CALN1: variants seen among roughly 807,000 people sequenced by gnomAD.
CALN1 encodes the protein calcium-binding protein 8.
A neutral mutation model predicts 30.6 loss-of-function variants in CALN1; 17 were observed. That is an observed-to-expected ratio of 0.56 (90% CI 0.38 to 0.83). The LOEUF is 0.83. CALN1 is among the 40% of genes least tolerant of loss of function. The pLI, the probability that CALN1 is intolerant of heterozygous loss-of-function variation, is 0.00. For synonymous variants in CALN1, 156 were observed against 131.4 expected, an observed-to-expected ratio of 1.19 and a Z score of -1.28; for missense variants, 291 against 354.9, an observed-to-expected ratio of 0.82 and a Z score of 1.45.
At chr7:71,992,836 G>A (rs1280265529) in intron 5 of CALN1, among the ~76,000 whole-genome samples, 1 of 152,160 alleles carries the variant, frequency 6.6e-6, no homozygotes, top group Non-Finnish European at 1.5e-5. Context: ...AGCACCAAGG[G>A]TGGATCATAG....
chr7:72,208,357 T>C (rs959166587), intron 3 of CALN1, among the ~76,000 whole-genome samples: 1 of 152,238 alleles, frequency 6.6e-6, no homozygotes, highest in Non-Finnish European at 1.5e-5. Context: ...TAAGTTTGGT[T>C]TCTAATACAT....
chr7:72,351,402 T>C lies in CALN1; in HGVS notation c.119+51849A>G, dbSNP rs576202963. 5.3e-5 allele frequency among the ~76,000 whole-genome samples: 8 copies of C among 152,240 alleles called. No individual in the cohort carries two copies. The South Asian group carries it at 1.7e-3, about 32-fold the overall frequency. ...ACAGAAACTTAGGAATGATAAGTCCTGGGAATGGAAAATATGTGAATAAAA... is the reference window on the plus strand; with the variant it reads ...ACAGAAACTTAGGAATGATAAGTCCCGGGAATGGAAAATATGTGAATAAAA... On this transcript the variant is annotated intron_variant, in intron 2 of 6. Coordinates refer to ENST00000395275, the MANE Select transcript of CALN1 (RefSeq NM_031468.4).
intron 5 of CALN1, among the ~76,000 whole-genome samples, chr7:72,007,827 A>G (rs1241030459): frequency 2.0e-5 from 3 of 152,194 alleles, no homozygotes; most frequent in Non-Finnish European, 4.4e-5. Flanking sequence ...TGGGCCTCCC[A>G]AAGTGCTGGG....
chr7:71,883,634 C>T (rs1207522659), intron 5 of CALN1, among the ~76,000 whole-genome samples: 1 of 152,136 alleles, frequency 6.6e-6, no homozygotes. Context: ...TCCTGGAATG[C>T]CTCTAAGACT....
At chr7:72,182,027 G>A (rs1438825403) in intron 3 of CALN1, among the ~76,000 whole-genome samples, 7 of 152,182 alleles carry the variant, frequency 4.6e-5, no homozygotes, top group Admixed American at 4.6e-4. Context: ...GCACTTCAGG[G>A]TTAGGTGAGA....
At chr7:72,008,131 CATATT>C (rs1376105053) in intron 5 of CALN1, among the ~76,000 whole-genome samples, 2 of 151,996 alleles carry the variant, frequency 1.3e-5, no homozygotes, top group Non-Finnish European at 2.9e-5. Flanking sequence ...ATTCAATTAC[CATATT>C]ATGTTTGCAG....
At chr7:72,264,235 A>G (rs1345222332) in intron 3 of CALN1, among the ~76,000 whole-genome samples, 2 of 152,052 alleles carry the variant, frequency 1.3e-5, no homozygotes, top group Admixed American at 6.6e-5. Flanking sequence ...GAAACAATCA[A>G]TCTGCTTTTT....
At chr7:72,073,922 C>T (rs1182702329) in intron 4 of CALN1, among the ~76,000 whole-genome samples, 1 of 152,084 alleles carries the variant, frequency 6.6e-6, no homozygotes, top group African/African-American at 2.4e-5. Flanking sequence ...CTTGAATTCC[C>T]CAGCTCAAGC....
At chr7:72,242,942 G>A (rs1205460105) in intron 3 of CALN1, among the ~76,000 whole-genome samples, 6 of 152,126 alleles carry the variant, frequency 3.9e-5, no homozygotes, top group Non-Finnish European at 5.9e-5. Flanking sequence ...ATTATTGCCA[G>A]AAAAATAATA....
At chr7:72,132,910 C>T (rs1809257983) in intron 3 of CALN1, among the ~76,000 whole-genome samples, 1 of 152,118 alleles carries the variant, frequency 6.6e-6, no homozygotes, top group Non-Finnish European at 1.5e-5. Context: ...AACATTACTG[C>T]CTGAGCTCCA....
chr7:71,942,375 C>T (rs965114961), intron 5 of CALN1: 4 of 173,548 alleles, frequency 2.3e-5, no homozygotes, highest in African/African-American at 4.8e-5. Context: ...ACAACACGAG[C>T]CGCTCCAGCA....
intron 4 of CALN1, among the ~76,000 whole-genome samples, chr7:72,050,772 G>A (rs1198462730): frequency 6.6e-6 from 1 of 152,108 alleles, no homozygotes; most frequent in Admixed American, 6.5e-5. Flanking sequence ...AGGCCAAGGT[G>A]GGAAGTTCAT....
In CALN1 at chr7:71,872,620, C is replaced by CTT. The variant is rs530642979; in HGVS notation, c.502-62130_502-62129dup. On this transcript the variant is annotated intron_variant, in intron 5 of 6. Coordinates refer to ENST00000395275, the MANE Select transcript of CALN1 (RefSeq NM_031468.4). ...TTTATTTACTTTTCTTTCTTTTTTTCTTTTTTTTTTTGAGATACAGTCTCA... is the reference window on the plus strand; with the variant it reads ...TTTATTTACTTTTCTTTCTTTTTTTCTTTTTTTTTTTTTGAGATACAGTCTCA... 2.1e-3 allele frequency among the ~76,000 whole-genome samples: 301 copies of CTT among 142,070 alleles called. 2 individuals are homozygous for CTT. The highest frequency in any genetic ancestry group is 7.1e-3 in the African/African-American group (275 of 38,494). 93.2% of individuals were successfully genotyped at this position (142,070 alleles called of 152,430 possible).
intron 4 of CALN1, among the ~76,000 whole-genome samples, chr7:72,074,014 T>C (rs1804570356): frequency 6.6e-6 from 1 of 152,110 alleles, no homozygotes; most frequent in African/African-American, 2.4e-5. Context: ...TTTCAATAAA[T>C]ATTTGATCAG....
rs536458113 is a variant in CALN1 at position 71,943,078 on chromosome 7, T to C, written c.501+80579A>G. Among the ~76,000 whole-genome samples, 7 of 152,262 alleles carry C rather than the reference T, an allele frequency of 4.6e-5. No individual in the cohort carries two copies. In the South Asian group the frequency reaches 1.2e-3, roughly 27 times the overall value. On this transcript the variant is annotated intron_variant, in intron 5 of 6. Transcript: ENST00000395275. The stretch of plus-strand genomic sequence containing the variant: ...GGTGTCTCATGTCTCCCTAAATGGA[T>C]AAAAGCAAGCTATGCCCCAACCACC...
intron 5 of CALN1, among the ~76,000 whole-genome samples, chr7:71,946,699 C>A (rs530500675): frequency 5.9e-5 from 9 of 151,980 alleles, no homozygotes; most frequent in Non-Finnish European, 1.0e-4. Context: ...CATTTTCCCA[C>A]ATCTGTCATG....
At position 72,010,824 on chromosome 7, in the gene CALN1, A is replaced by G. The variant is rs111996527; in HGVS notation, c.501+12833T>C. On this transcript the variant is annotated intron_variant, in intron 5 of 6. Transcript: ENST00000395275. ...CTGTCTCAAAAAAAAAAAAGAAAAG[A>G]AAAGAAAAGAAAAAGAAAAAGAAAA... 8.1e-4 allele frequency among the ~76,000 whole-genome samples: 122 copies of G among 150,746 alleles called. 1 individual carries two copies. The highest frequency in any genetic ancestry group is 2.3e-3 in the Admixed American group (35 of 15,126).
chr7:72,289,730 G>A (rs1055449169), intron 2 of CALN1, among the ~76,000 whole-genome samples: 2 of 152,066 alleles, frequency 1.3e-5, no homozygotes, highest in Non-Finnish European at 2.9e-5. Flanking sequence ...AGGAAGTGAT[G>A]AATTTTAAAT....
intron 3 of CALN1, among the ~76,000 whole-genome samples, chr7:72,187,367 G>A (rs749043673): frequency 3.8e-4 from 58 of 152,200 alleles, no homozygotes; most frequent in Admixed American, 7.2e-4. Context: ...CATTGTCTAG[G>A]ACAGATGATC....
Sources: gnomAD v4.1 joint callset for allele counts (sites outside exome capture counted in the v4.1 genomes callset) on GRCh38, gnomAD v4.1.1 for gene constraint, MANE v1.5 for transcripts, NCBI Gene and HGNC (gene_info 2026-07-23, HGNC 2026-07-21) for gene names.